The following OR8B3 variants were observed in gnomAD, a reference collection of about 807,000 sequenced individuals.
The protein encoded by OR8B3 is olfactory receptor 8B3.
For synonymous variants in OR8B3, 102 were observed against 135.4 expected (o/e 0.75, Z 1.71); for missense variants, 278 against 377.6 (o/e 0.74, Z 2.19).
At chr11:124,409,137 A>C in the OR8B3 span, among the ~76,000 whole-genome samples, 1 of 152,202 alleles carries the variant, frequency 6.6e-6, no homozygotes, top group African/African-American at 2.4e-5. Context: ...TTTTTTGTTT[A>C]AACTGATTTG....
Position 124,396,430 on chromosome 11 carries a change from G to A in OR8B3, c.922C>T (p.Gln308Ter), listed in dbSNP as rs1398180397. Residue 308 changes from glutamine (Q) to a stop codon, truncating the protein, a stop_gained, in exon 2 of 2, where the codon CAG becomes TAG. Coordinates refer to ENST00000641139, the MANE Select transcript of OR8B3 (RefSeq NM_001005467.2). LOFTEE classifies it low-confidence loss of function (END_TRUNC). ...VALRKALIKI[Q>*]RRNIF ...TCTAATTAGAATATATTTCTTCTCT[G>A]AATTTTAATCAGAGCTTTCCTCAGT... is the stretch of plus-strand genomic sequence containing the variant. The A allele has an allele frequency of 1.2e-6, 2 of 1,600,790 alleles. No homozygotes were observed. Among genetic ancestry groups the A allele is most frequent in the Non-Finnish European group, 1.7e-6 (2 of 1,176,220 alleles).
Position 124,396,917 on chromosome 11 carries a change from A to C in OR8B3, c.435T>G (p.Thr145=). 3 of 1,605,952 alleles carry C rather than the reference A, an allele frequency of 1.9e-6. No homozygotes were observed. Among genetic ancestry groups the C allele is most frequent in the Non-Finnish European group, 2.6e-6 (3 of 1,175,778 alleles). The change falls in exon 2 of 2, where the codon ACT becomes ACG. Residue 145 remains threonine, a synonymous_variant. Transcript: ENST00000641139. ...TMSHQVCSML[T]FAAYIMGLAG... is the part of the protein sequence containing the mutation. ...CCAATCCCATTATGTAAGCAGCAAA[A>C]GTGAGCATAGAACAGACCTGATGGG...
chr11:124,401,167 A>G (rs899508254), upstream of OR8B3, among the ~76,000 whole-genome samples: 3 of 151,196 alleles, frequency 2.0e-5, no homozygotes, highest in African/African-American at 7.3e-5. Flanking sequence ...TTGAGGTGTC[A>G]GCATCTTGCA....
At chr11:124,405,735 C>T in the OR8B3 span, among the ~76,000 whole-genome samples, 5 of 152,208 alleles carry the variant, frequency 3.3e-5, no homozygotes, top group Non-Finnish European at 4.4e-5. Flanking sequence ...ATTTGTTTCA[C>T]GCCCTACAGC....
upstream of OR8B3, among the ~76,000 whole-genome samples, chr11:124,404,009 A>G (rs1861044484): frequency 6.6e-6 from 1 of 152,192 alleles, no homozygotes; most frequent in African/African-American, 2.4e-5. Context: ...GGCACTCGGC[A>G]GGCTGAGGCA....
At chr11:124,409,243 G>T in the OR8B3 span, among the ~76,000 whole-genome samples, 2 of 152,182 alleles carry the variant, frequency 1.3e-5, no homozygotes, top group Non-Finnish European at 2.9e-5. Flanking sequence ...ATTGTACCTT[G>T]TACAAATTTC....
chr11:124,408,308 A>G, the OR8B3 span, among the ~76,000 whole-genome samples: 6 of 152,208 alleles, frequency 3.9e-5, no homozygotes, highest in Admixed American at 3.9e-4. Context: ...GCTCTTCACC[A>G]AACATAGAGG....
the OR8B3 span, chr11:124,405,080 A>T: frequency 2.7e-4 from 41 of 152,160 alleles, no homozygotes; most frequent in African/African-American, 9.4e-4. Flanking sequence ...TCAGTCACCG[A>T]AGAGTTATTT....
chr11:124,401,352 G>A (rs938046125), upstream of OR8B3, among the ~76,000 whole-genome samples: 4 of 151,998 alleles, frequency 2.6e-5, no homozygotes, highest in African/African-American at 4.8e-5. Flanking sequence ...ACCTCTTACA[G>A]GTCTCGTCTC....
chr11:124,396,483 C>T lies in OR8B3; in HGVS notation c.869G>A (p.Ser290Asn). Residue 290 changes from serine (S) to asparagine (N), a missense_variant, in exon 2 of 2, where the codon AGT (serine) becomes AAT (asparagine). By Grantham distance (46) the Ser-to-Asn change is conservative. Coordinates refer to ENST00000641139, the MANE Select transcript of OR8B3 (RefSeq NM_001005467.2). ...AACTTTGACATCCTTGTTCCTCAAA[C>T]TGTAGATGAGAGGATTGAGCATGGG... ...VVPMLNPLIYSLRNKDVKVAL... is the reference protein window; with the variant it reads ...VVPMLNPLIYNLRNKDVKVAL... 1.9e-6 allele frequency: 3 copies of T among 1,614,082 alleles called. No individual in the cohort carries two copies. The highest frequency in any genetic ancestry group is 2.5e-6 in the Non-Finnish European group (3 of 1,180,024).
Position 124,397,253 on chromosome 11 carries a change from C to T in OR8B3, c.99G>A (p.Val33=), listed in dbSNP as rs1175820864. 2.0e-6 allele frequency: 3 copies of T among 1,510,248 alleles called. No homozygotes were observed. Among genetic ancestry groups the T allele is most frequent in the Non-Finnish European group, 1.8e-6 (2 of 1,102,304 alleles). 93.6% of individuals were successfully genotyped at this position (1,510,248 alleles called of 1,614,324 possible). ...FQQPLFFLFL[V]VYIVTMVGNL... ...TGCCTACCATGGTGACAATGTAGAC[C>T]ACTAGAAACAGGAAAAAGAGGGGTT... Residue 33 remains valine (V), a synonymous_variant, in exon 2 of 2, where the codon GTG becomes GTA. Transcript: ENST00000641139.
In OR8B3 at chr11:124,398,793, T is replaced by C. The variant is rs1405264810; in HGVS notation, c.-121A>G. 1 of 152,186 alleles carries C rather than the reference T, an allele frequency of 6.6e-6. No homozygotes were observed. The highest frequency in any genetic ancestry group is 2.4e-5 in the African/African-American group (1 of 41,452). The allele number at this position is 152,186 out of a possible 1,614,324, so 9.4% of individuals were successfully genotyped here. On this transcript the variant is annotated 5_prime_UTR_variant, in exon 1 of 2. Coordinates refer to ENST00000641139, the MANE Select transcript of OR8B3 (RefSeq NM_001005467.2). ...TGAAGGTATCTATGTTGATCAGATGTAGTCACAGAATCTTCTTCTCCCTTG... is the reference window on the plus strand; with the variant it reads ...TGAAGGTATCTATGTTGATCAGATGCAGTCACAGAATCTTCTTCTCCCTTG...
upstream of OR8B3, among the ~76,000 whole-genome samples, chr11:124,401,671 T>C (rs1860997761): frequency 6.6e-6 from 1 of 152,176 alleles, no homozygotes; most frequent in Non-Finnish European, 1.5e-5. Flanking sequence ...GTAACCACAC[T>C]GCAACCAGCT....
At chr11:124,409,263 G>A in the OR8B3 span, among the ~76,000 whole-genome samples, 2 of 152,146 alleles carry the variant, frequency 1.3e-5, no homozygotes, top group East Asian at 1.9e-4. Flanking sequence ...CTGTGGCAGC[G>A]CTTACTTTCA....
chr11:124,408,599 A>G, the OR8B3 span, among the ~76,000 whole-genome samples: 1 of 152,176 alleles, frequency 6.6e-6, no homozygotes, highest in Non-Finnish European at 1.5e-5. Flanking sequence ...CAAGCACATC[A>G]GAAAAATTGA....
the OR8B3 span, among the ~76,000 whole-genome samples, chr11:124,405,599 T>C: frequency 3.9e-5 from 6 of 152,200 alleles, no homozygotes; most frequent in Non-Finnish European, 8.8e-5. Flanking sequence ...CAGTCTTCAG[T>C]CTCTGACAAG....
the OR8B3 span, among the ~76,000 whole-genome samples, chr11:124,406,792 A>ACCACACACACACAC: frequency 1.6e-5 from 2 of 126,106 alleles, no homozygotes; most frequent in East Asian, 4.6e-4. Context: ...CCTCCTTCTC[A>ACCACACACACACAC]CCACACACAC....
rs754197595 is a variant in OR8B3 at position 124,396,948 on chromosome 11, G to A, written c.404C>T (p.Thr135Ile). 2 of 1,611,700 alleles carry A rather than the reference G, an allele frequency of 1.2e-6. No homozygotes were observed. Among genetic ancestry groups the A allele is most frequent in the Non-Finnish European group, 1.7e-6 (2 of 1,178,840 alleles). The change falls in exon 2 of 2, where the codon ACC becomes ATC. Residue 135 changes from threonine (T) to isoleucine (I), a missense_variant. Physicochemically the swap from Thr to Ile is moderately conservative, Grantham distance 89. Transcript: ENST00000641139. ...CATAGAACAGACCTGATGGGACATGGTGACCTTATACAGCAATGGATTACA... is the reference window on the plus strand; with the variant it reads ...CATAGAACAGACCTGATGGGACATGATGACCTTATACAGCAATGGATTACA... ...AICNPLLYKV[T>I]MSHQVCSMLT...
At chr11:124,404,855 T>C in the OR8B3 span, 6 of 152,350 alleles carry the variant, frequency 3.9e-5, no homozygotes, top group East Asian at 1.9e-4. Flanking sequence ...AAGGAGATGA[T>C]GTTCCTCTCT....
Sources: allele counts gnomAD v4.1 joint callset (sites outside exome capture counted in the v4.1 genomes callset), GRCh38; gene constraint gnomAD v4.1.1; transcripts MANE v1.5; gene names NCBI Gene and HGNC (gene_info 2026-07-23, HGNC 2026-07-21).